Variants in PIP4K2A observed in about 807,000 individuals in gnomAD.
The protein encoded by PIP4K2A is phosphatidylinositol 5-phosphate 4-kinase type-2 alpha.
Under a neutral mutation model 42.9 loss-of-function variants are expected in PIP4K2A, and 14 were observed. The observed-to-expected ratio is 0.33, with a 90% confidence interval of 0.22 to 0.51. PIP4K2A has a LOEUF of 0.51. PIP4K2A is among the 20% of genes least tolerant of loss of function. PIP4K2A has a pLI of 0.97. For synonymous variants in PIP4K2A, 192 were observed against 192.2 expected (o/e 1.00, Z 0.01); for missense variants, 434 against 519.8 (o/e 0.83, Z 1.61).
chr10:22,607,950 C>T lies in PIP4K2A; in HGVS notation c.316G>A (p.Gly106Arg). The stretch of plus-strand genomic sequence containing the variant: ...ACCTGGAAATCTTGATCATCAATTC[C>T]AAACCTCTCCCGCAGGTTACGGAAG... ...MVFRNLRERF[G>R]IDDQDFQNSL... The change falls in exon 3 of 10, where the codon GGA (glycine) becomes AGA (arginine). Residue 106 changes from glycine (G) to arginine (R), a missense_variant. Coordinates refer to ENST00000376573, the MANE Select transcript of PIP4K2A (RefSeq NM_005028.5). 4 of 1,612,666 alleles carry T rather than the reference C, an allele frequency of 2.5e-6. No homozygotes were observed. The highest frequency in any genetic ancestry group is 1.3e-5 in the African/African-American group (1 of 75,018).
At chr10:22,597,083 T>G (rs1333522615) in intron 3 of PIP4K2A, among the ~76,000 whole-genome samples, 1 of 152,220 alleles carries the variant, frequency 6.6e-6, no homozygotes, top group Admixed American at 6.5e-5. Context: ...GCTAATGCAG[T>G]CCGGAGTCTG....
intron 1 of PIP4K2A, among the ~76,000 whole-genome samples, chr10:22,662,970 A>G (rs1281486698): frequency 6.6e-6 from 1 of 152,252 alleles, no homozygotes; most frequent in Non-Finnish European, 1.5e-5. Flanking sequence ...GTGTCGCCCC[A>G]GGGTGAGGAG....
intron 3 of PIP4K2A, among the ~76,000 whole-genome samples, chr10:22,603,223 A>C (rs2559524): frequency 7.9e-5 from 12 of 152,022 alleles, no homozygotes; most frequent in Non-Finnish European, 1.8e-4. Flanking sequence ...CAGGAGTCAC[A>C]GTAGGGGAAA....
Position 22,607,947 on chromosome 10 carries a change from T to C in PIP4K2A, c.319A>G (p.Ile107Val). 1.2e-6 allele frequency: 2 copies of C among 1,612,496 alleles called. No individual in the cohort carries two copies. Among genetic ancestry groups the C allele is most frequent in the Non-Finnish European group, 1.7e-6 (2 of 1,178,650 alleles). Residue 107 changes from isoleucine (I) to valine (V), a missense_variant, in exon 3 of 10, where the codon ATT becomes GTT. By Grantham distance (29) the Ile-to-Val change is conservative. Transcript: ENST00000376573. Reference sequence around the variant, plus strand: ...CTCACCTGGAAATCTTGATCATCAATTCCAAACCTCTCCCGCAGGTTACGG... The same window carrying C: ...CTCACCTGGAAATCTTGATCATCAACTCCAAACCTCTCCCGCAGGTTACGG... The part of the protein sequence containing the change: ...VFRNLRERFG[I>V]DDQDFQNSLT...
At chr10:22,604,011 A>ACG (rs1266223647) in intron 3 of PIP4K2A, among the ~76,000 whole-genome samples, 5 of 16,732 alleles carry the variant, frequency 3.0e-4, no homozygotes, top group African/African-American at 1.3e-3. Flanking sequence ...GCGCGCACGC[A>ACG]CACACACACA....
At chr10:22,579,252 G>A (rs1267943460) in intron 4 of PIP4K2A, among the ~76,000 whole-genome samples, 4 of 152,130 alleles carry the variant, frequency 2.6e-5, no homozygotes, top group Non-Finnish European at 4.4e-5. Flanking sequence ...ACTGTACCAC[G>A]CAATGTATCC....
chr10:22,667,105 C>A (rs900481484), intron 1 of PIP4K2A, among the ~76,000 whole-genome samples: 1 of 152,180 alleles, frequency 6.6e-6, no homozygotes, highest in African/African-American at 2.4e-5. Context: ...CACAGAAGTC[C>A]TTCATCAGAG....
intron 1 of PIP4K2A, among the ~76,000 whole-genome samples, chr10:22,675,463 G>A (rs1321897990): frequency 6.6e-6 from 1 of 152,086 alleles, no homozygotes; most frequent in Non-Finnish European, 1.5e-5. Flanking sequence ...TCGTGTGCCT[G>A]TAATCCCAGC....
chr10:22,710,581 C>T (rs1331399234), intron 1 of PIP4K2A, among the ~76,000 whole-genome samples: 1 of 152,130 alleles, frequency 6.6e-6, no homozygotes, highest in East Asian at 1.9e-4. Flanking sequence ...GAGAACTGAG[C>T]CAAAGGGTAC....
chr10:22,662,654 T>C lies in PIP4K2A; in HGVS notation c.144+51529A>G, dbSNP rs536232816. Among the ~76,000 whole-genome samples the C allele has an allele frequency of 1.9e-3, 292 of 152,336 alleles. 3 individuals are homozygous for C. Among genetic ancestry groups the C allele is most frequent in the Middle Eastern group, 3.4e-3 (1 of 294 alleles). Reference sequence around the variant, plus strand: ...GAGTAAAGTAATATAAAAGAAACTTTTAGCCCGATGACTGCTTGAATGGTT... The same window carrying C: ...GAGTAAAGTAATATAAAAGAAACTTCTAGCCCGATGACTGCTTGAATGGTT... On this transcript the variant is annotated intron_variant, in intron 1 of 9. Coordinates refer to ENST00000376573, the MANE Select transcript of PIP4K2A (RefSeq NM_005028.5).
intron 3 of PIP4K2A, among the ~76,000 whole-genome samples, chr10:22,604,382 A>C (rs1837860519): frequency 6.6e-6 from 1 of 152,026 alleles, no homozygotes. Context: ...AAAGGTGGTC[A>C]CACAAACAAG....
chr10:22,684,510 A>T (rs1039252838), intron 1 of PIP4K2A, among the ~76,000 whole-genome samples: 4 of 152,146 alleles, frequency 2.6e-5, no homozygotes, highest in African/African-American at 9.7e-5. Flanking sequence ...TATGTTCATA[A>T]TTTTTAAAAA....
chr10:22,591,707 G>A lies in PIP4K2A; in HGVS notation c.414C>T (p.Tyr138=), dbSNP rs112750556. The part of the protein sequence containing the change: ...ARSGARFHTS[Y]DKRYIIKTIT... ...TAGTCTTGATGATGTATCTTTTGTCGTAGGAAGTGTGAAAACGAGCTCCAC... is the reference window on the plus strand; with the variant it reads ...TAGTCTTGATGATGTATCTTTTGTCATAGGAAGTGTGAAAACGAGCTCCAC... The change falls in exon 4 of 10, where the codon TAC becomes TAT. Residue 138 remains tyrosine (Y), a synonymous_variant. Transcript: ENST00000376573. The A allele has an allele frequency of 1.8e-4, 290 of 1,613,572 alleles. 1 individual carries two copies. In the African/African-American group the frequency reaches 2.8e-3, roughly 16 times the overall value.
chr10:22,713,129 A>G (rs1457340609), intron 1 of PIP4K2A, among the ~76,000 whole-genome samples: 1 of 152,196 alleles, frequency 6.6e-6, no homozygotes, highest in Admixed American at 6.5e-5. Context: ...TTCCTGGCTG[A>G]GCCAACAGCT....
At chr10:22,676,596 C>T (rs897078926) in intron 1 of PIP4K2A, among the ~76,000 whole-genome samples, 1 of 152,092 alleles carries the variant, frequency 6.6e-6, no homozygotes, top group Non-Finnish European at 1.5e-5. Flanking sequence ...AAGAGACTAA[C>T]CAGAGGGAAT....
intron 4 of PIP4K2A, among the ~76,000 whole-genome samples, chr10:22,578,087 AATG>A (rs1837165798): frequency 6.6e-6 from 1 of 152,268 alleles, no homozygotes; most frequent in African/African-American, 2.4e-5. Context: ...GCAAAAATAA[AATG>A]ATGCAAATGT....
At chr10:22,712,821 G>C (rs183530922) in intron 1 of PIP4K2A, among the ~76,000 whole-genome samples, 1 of 152,078 alleles carries the variant, frequency 6.6e-6, no homozygotes, top group African/African-American at 2.4e-5. Flanking sequence ...GATCGATCCT[G>C]ATACTGTTTT....
intron 1 of PIP4K2A, among the ~76,000 whole-genome samples, chr10:22,618,092 T>G (rs1468601126): frequency 1.3e-5 from 2 of 152,204 alleles, no homozygotes; most frequent in African/African-American, 4.8e-5. Context: ...TTCCCTAGAC[T>G]CTGCAAGTTT....
rs546148183 is a variant in PIP4K2A at position 22,585,966 on chromosome 10, G to A, written c.492+5663C>T. Among the ~76,000 whole-genome samples, 155 of 138,184 alleles carry A rather than the reference G, an allele frequency of 1.1e-3. 1 individual carries two copies. Among genetic ancestry groups the A allele is most frequent in the Admixed American group, 0.01 (147 of 14,554 alleles). The allele number at this position is 138,184 out of a possible 152,430, so 90.7% of individuals were successfully genotyped here. ...GCTCCCAATGAATTCACGTCAGTGC[G>A]GGGAAAAAAAAAATTCAGTCGATTT... On this transcript the variant is annotated intron_variant, in intron 4 of 9. Coordinates refer to ENST00000376573, the MANE Select transcript of PIP4K2A (RefSeq NM_005028.5).
Sources: gnomAD v4.1 joint callset for allele counts (sites outside exome capture counted in the v4.1 genomes callset) on GRCh38, gnomAD v4.1.1 for gene constraint, MANE v1.5 for transcripts, NCBI Gene and HGNC (gene_info 2026-07-23, HGNC 2026-07-21) for gene names.